Variants in KDM4C observed in about 807,000 individuals in gnomAD.
KDM4C encodes the protein lysine demethylase 4C.
KDM4C carries 81 observed loss-of-function variants against 129.3 expected under a neutral mutation model. The ratio of observed to expected loss-of-function variants is 0.63; its 90% CI spans 0.52 to 0.75. The LOEUF (loss-of-function observed/expected upper bound fraction) is 0.75. KDM4C is among the 30% of genes least tolerant of loss of function. KDM4C has a pLI of 0.00. For missense variants in KDM4C, 1,457 were observed against 1,304.0 expected, an observed-to-expected ratio of 1.12 and a Z score of -1.81; for synonymous variants, 573 against 456.1, an observed-to-expected ratio of 1.26 and a Z score of -3.26.
intron 21 of KDM4C, 85 bp from the exon 22 acceptor site, chr9:7,174,468 C>A (rs1388028418): frequency 5.1e-6 from 7 of 1,360,632 alleles, no homozygotes; most frequent in African/African-American, 4.3e-5. Flanking sequence ...GCACCCTAAC[C>A]CCAGCTGACC....
chr9:6,920,965 T>C (rs1010516465), intron 8 of KDM4C, among the ~76,000 whole-genome samples: 1 of 152,202 alleles, frequency 6.6e-6, no homozygotes, highest in Admixed American at 6.5e-5. Context: ...AATTCTCATC[T>C]TACATGACCT....
At chr9:7,077,074 C>A (rs1834011158) in intron 17 of KDM4C, 1 of 985,366 alleles carries the variant, frequency 1.0e-6, no homozygotes, top group African/African-American at 1.7e-5. Context: ...TGAAAACTAT[C>A]ACTCATTCAT....
At chr9:7,013,751 A>T in intron 13 of KDM4C, 37 bp from the exon 14 acceptor site, 9 of 1,594,876 alleles carry the variant, frequency 5.6e-6, no homozygotes, top group African/African-American at 1.3e-5. Flanking sequence ...GCTCTTTTCC[A>T]TGTTTTTCAC....
intron 9 of KDM4C, among the ~76,000 whole-genome samples, chr9:6,983,834 TTC>T (rs1359396470): frequency 6.6e-6 from 1 of 152,242 alleles, no homozygotes; most frequent in Non-Finnish European, 1.5e-5. Flanking sequence ...TTGATTTTAT[TTC>T]TGTCTCATTT....
intron 6 of KDM4C, among the ~76,000 whole-genome samples, chr9:6,887,050 T>C (rs965222744): frequency 6.6e-6 from 1 of 152,246 alleles, no homozygotes; most frequent in Non-Finnish European, 1.5e-5. Flanking sequence ...GTCACACATA[T>C]GCATTGCATG....
intron 19 of KDM4C, among the ~76,000 whole-genome samples, chr9:7,140,426 C>A (rs189477482): frequency 7.0e-4 from 107 of 152,230 alleles, no homozygotes; most frequent in Non-Finnish European, 1.3e-3. Flanking sequence ...TAGGTTCCCT[C>A]CAGGAGAAAT....
intron 1 of KDM4C, among the ~76,000 whole-genome samples, chr9:6,783,315 A>G (rs1243737958): frequency 6.6e-6 from 1 of 152,236 alleles, no homozygotes; most frequent in Non-Finnish European, 1.5e-5. Context: ...TTGAATGAAT[A>G]AGGACCAAGA....
chr9:6,785,568 A>T (rs529512908), intron 1 of KDM4C, among the ~76,000 whole-genome samples: 1 of 152,074 alleles, frequency 6.6e-6, no homozygotes, highest in African/African-American at 2.4e-5. Context: ...TGAACTCCTG[A>T]CCTGGTGATC....
chr9:6,924,701 G>T (rs1822156598), intron 8 of KDM4C: 3 of 937,362 alleles, frequency 3.2e-6, no homozygotes, highest in Non-Finnish European at 3.8e-6. Flanking sequence ...GATGCATAAT[G>T]TGTCATCCTG....
chr9:7,169,543 A>G (rs2130487221), intron 20 of KDM4C, among the ~76,000 whole-genome samples: 1 of 152,130 alleles, frequency 6.6e-6, no homozygotes, highest in East Asian at 1.9e-4. Context: ...CATGTTGGCC[A>G]GGATGGTCTC....
rs189968324 is a variant in KDM4C at position 7,021,122 on chromosome 9, G to A, written c.2259+5193G>A. On this transcript the variant is annotated intron_variant, in intron 15 of 21. Transcript: ENST00000381309. Reference sequence around the variant, plus strand: ...GTCATTTGTACATACATATATATATGTGTGTGTGTGTGTGTGTGTATATAT... The same window carrying A: ...GTCATTTGTACATACATATATATATATGTGTGTGTGTGTGTGTGTATATAT... Among the ~76,000 whole-genome samples, 32 of 105,336 alleles carry A rather than the reference G, an allele frequency of 3.0e-4. No homozygotes were observed. The East Asian group carries it at 5.7e-3, about 19-fold the overall frequency. The allele number at this position is 105,336 out of a possible 152,430, so 69.1% of individuals were successfully genotyped here. A position where few individuals can be genotyped will look rare whatever the true frequency, so the allele number is the denominator to read the frequency against.
chr9:7,077,296 A>G (rs1834034682), intron 17 of KDM4C: 4 of 902,890 alleles, frequency 4.4e-6, no homozygotes, highest in Admixed American at 6.2e-5. Context: ...TGATTTGCGT[A>G]TTTACATTGC....
chr9:6,921,930 C>T (rs1282244029), intron 8 of KDM4C, among the ~76,000 whole-genome samples: 7 of 152,114 alleles, frequency 4.6e-5, no homozygotes, highest in Admixed American at 2.6e-4. Context: ...CTGCATGGCT[C>T]GGTCCCTCCC....
upstream of KDM4C, among the ~76,000 whole-genome samples, chr9:6,752,730 C>T (rs1342222904): frequency 6.6e-6 from 1 of 152,038 alleles, no homozygotes; most frequent in Non-Finnish European, 1.5e-5. Flanking sequence ...AAAGCAACTT[C>T]CAAAAAGTTA....
At chr9:7,041,100 C>T (rs953858499) in intron 15 of KDM4C, among the ~76,000 whole-genome samples, 3 of 151,278 alleles carry the variant, frequency 2.0e-5, no homozygotes, top group African/African-American at 7.3e-5. Context: ...ATATGGCCCT[C>T]TGTATCCATG....
At chr9:7,080,507 T>C in intron 17 of KDM4C, among the ~76,000 whole-genome samples, 1 of 152,200 alleles carries the variant, frequency 6.6e-6, no homozygotes, top group East Asian at 1.9e-4. Context: ...GTGAAATGCT[T>C]GATATGGGAA....
chr9:6,810,988 TG>T (rs1245053121), intron 3 of KDM4C, among the ~76,000 whole-genome samples: 6 of 152,242 alleles, frequency 3.9e-5, no homozygotes, highest in Non-Finnish European at 8.8e-5. Flanking sequence ...GTATTTCTTC[TG>T]CCAGTTTCAT....
At chr9:6,845,041 A>G (rs549183139) in intron 4 of KDM4C, among the ~76,000 whole-genome samples, 2 of 152,296 alleles carry the variant, frequency 1.3e-5, no homozygotes, top group South Asian at 2.1e-4. Context: ...AAATTGAGCT[A>G]CTATGATTTT....
intron 5 of KDM4C, among the ~76,000 whole-genome samples, chr9:6,859,428 T>C (rs949886045): frequency 1.1e-4 from 14 of 125,650 alleles, no homozygotes; most frequent in Non-Finnish European, 2.2e-4. Context: ...TGAGCTGATA[T>C]CACGCCACTG....
Sources: gnomAD v4.1 joint callset for allele counts (sites outside exome capture counted in the v4.1 genomes callset) on GRCh38, gnomAD v4.1.1 for gene constraint, MANE v1.5 for transcripts, NCBI Gene and HGNC (gene_info 2026-07-23, HGNC 2026-07-21) for gene names.